The following ZNF112 variants were observed in gnomAD, a reference collection of about 807,000 sequenced individuals.
ZNF112 encodes the protein zinc finger protein 112 (Y14).
A neutral mutation model predicts 77.7 loss-of-function variants in ZNF112; 37 were observed. The ratio of observed to expected loss-of-function variants is 0.48; its 90% CI spans 0.37 to 0.63. The LOEUF (loss-of-function observed/expected upper bound fraction) is 0.63, where lower values mean the gene tolerates loss of function less well. ZNF112 is among the 20% of genes least tolerant of loss of function. The probability of loss-of-function intolerance (pLI) is 0.00; values close to 1 mark genes in which losing one functional copy is unlikely to be tolerated. For missense variants in ZNF112, 950 were observed against 1,077.4 expected, an observed-to-expected ratio of 0.88 and a Z score of 1.66; for synonymous variants, 333 against 363.6, an observed-to-expected ratio of 0.92 and a Z score of 0.96.
chr19:44,349,820 C>A (rs536573703), intron 1 of ZNF112, among the ~76,000 whole-genome samples: 1 of 152,040 alleles, frequency 6.6e-6, no homozygotes, highest in Non-Finnish European at 1.5e-5. Flanking sequence ...TTGGGCAAGA[C>A]CAACTGCTCT....
chr19:44,359,889 C>T (rs535014458), upstream of ZNF112, among the ~76,000 whole-genome samples: 2 of 152,210 alleles, frequency 1.3e-5, no homozygotes, highest in South Asian at 4.1e-4. Flanking sequence ...AAATAGGAAA[C>T]ACTTTCCAAC....
At chr19:44,343,388 T>G in intron 1 of ZNF112, 1 of 1,127,994 alleles carries the variant, frequency 8.9e-7, no homozygotes, top group East Asian at 2.4e-5. Flanking sequence ...AGGTGTCCCT[T>G]CCCCCAGCAG....
In ZNF112 at chr19:44,328,078, A is replaced by T. The variant is rs1160276882; in HGVS notation, c.2079T>A (p.Gly693=). The change falls in exon 4 of 4, where the codon GGT becomes GGA. Residue 693 remains glycine, a synonymous_variant. Transcript: ENST00000354340. ...GGTATGATCTCTGACTGAAACTCTT[A>T]CCACACTCATCACATTGGTATGGCT... is the stretch of plus-strand genomic sequence containing the variant. ...GEKPYQCDEC[G]KSFSQRSYLQ... is the part of the protein sequence containing the mutation. The T allele has an allele frequency of 3.1e-6, 5 of 1,613,412 alleles. No homozygotes were observed. The highest frequency in any genetic ancestry group is 4.2e-6 in the Non-Finnish European group (5 of 1,179,846).
intron 1 of ZNF112, among the ~76,000 whole-genome samples, chr19:44,341,558 T>A (rs979735173): frequency 2.6e-5 from 4 of 152,170 alleles, no homozygotes; most frequent in African/African-American, 7.2e-5. Flanking sequence ...GAAAGCTTTT[T>A]AAAAAAATCT....
Position 44,329,707 on chromosome 19 carries a change from G to C in ZNF112, c.450C>G (p.Asn150Lys). 5.6e-6 allele frequency: 9 copies of C among 1,614,052 alleles called. No homozygotes were observed. Among genetic ancestry groups the C allele is most frequent in the Non-Finnish European group, 7.6e-6 (9 of 1,180,006 alleles). ...CATTCCCTATATGAGTGAATATATAGTTCTTATCTTCAGAAATCTGAACTG... is the reference window on the plus strand; with the variant it reads ...CATTCCCTATATGAGTGAATATATACTTCTTATCTTCAGAAATCTGAACTG... ...GIPVQISEDK[N>K]YIFTHIGNGS... is the part of the protein sequence containing the mutation. The change falls in exon 4 of 4, where the codon AAC (asparagine) becomes AAG (lysine). Residue 150 changes from asparagine (N) to lysine (K), a missense_variant. By Grantham distance (94) the Asn-to-Lys change is moderately conservative. This residue lies in a region of ZNF112 where 560 missense variants were observed against 557.3 expected (regional missense o/e 1.00). Transcript: ENST00000354340.
At chr19:44,349,458 A>G (rs1198331485) in intron 1 of ZNF112, among the ~76,000 whole-genome samples, 1 of 152,088 alleles carries the variant, frequency 6.6e-6, no homozygotes, top group African/African-American at 2.4e-5. Context: ...AAAGCTTATC[A>G]TGCTTATTGT....
rs776368238 is a variant in ZNF112, at chr19:44,329,546, C to T, written c.611G>A (p.Cys204Tyr). 1.2e-6 allele frequency: 2 copies of T among 1,614,102 alleles called. No homozygotes were observed. The highest frequency in any genetic ancestry group is 1.1e-5 in the South Asian group (1 of 91,078). ...ATGTGAGAGCCAACTGACACTGTCA[C>T]ACTTACAGAAATGATTTTTCATGGA... is the stretch of plus-strand genomic sequence containing the variant. ...QISMKNHFCK[C>Y]DSVSWLSHHN... is the part of the protein sequence containing the mutation. Residue 204 changes from cysteine (C) to tyrosine (Y), a missense_variant, in exon 4 of 4, where the codon TGT becomes TAT. By Grantham distance (194) the Cys-to-Tyr change is radical. This residue lies in a region of ZNF112 where 560 missense variants were observed against 557.3 expected (regional missense o/e 1.00). Coordinates refer to ENST00000354340, the MANE Select transcript of ZNF112 (RefSeq NM_013380.4).
intron 1 of ZNF112, among the ~76,000 whole-genome samples, chr19:44,354,847 T>A (rs1414932570): frequency 2.0e-5 from 3 of 152,222 alleles, no homozygotes; most frequent in Admixed American, 6.5e-5. Flanking sequence ...TTCATCACCA[T>A]CCTTCTCCAA....
chr19:44,352,554 T>C (rs531525176), intron 1 of ZNF112, among the ~76,000 whole-genome samples: 1 of 151,734 alleles, frequency 6.6e-6, no homozygotes, highest in African/African-American at 2.4e-5. Context: ...AAGGAAGAAA[T>C]AAAACTGACC....
At chr19:44,341,434 T>A (rs1414203045) in intron 1 of ZNF112, among the ~76,000 whole-genome samples, 4 of 152,172 alleles carry the variant, frequency 2.6e-5, no homozygotes, top group Admixed American at 1.3e-4. Flanking sequence ...TGCTGAAGAA[T>A]AATGACCTTT....
chr19:44,351,005 C>A (rs1970681799), intron 1 of ZNF112, among the ~76,000 whole-genome samples: 1 of 152,016 alleles, frequency 6.6e-6, no homozygotes, highest in South Asian at 2.1e-4. Context: ...GATCAGAAGT[C>A]TAAAATCAGT....
chr19:44,365,816 T>C (rs1403725544), intron 1 of ZNF112, among the ~76,000 whole-genome samples: 1 of 152,216 alleles, frequency 6.6e-6, no homozygotes, highest in Non-Finnish European at 1.5e-5. Context: ...TTTTTAAAGA[T>C]TGTTTTTCTG....
At chr19:44,340,360 C>T (rs1970466816) in intron 2 of ZNF112, 56 bp downstream of exon 2, 11 of 1,573,910 alleles carry the variant, frequency 7.0e-6, no homozygotes, top group African/African-American at 4.1e-5. Context: ...AACAATTGAG[C>T]ACACAAAGAC....
intron 2 of ZNF112, among the ~76,000 whole-genome samples, chr19:44,338,886 A>G (rs1599922447): frequency 1.3e-5 from 2 of 152,116 alleles, no homozygotes; most frequent in Non-Finnish European, 2.9e-5. Flanking sequence ...AACATGGTGA[A>G]ACCTCATCTC....
At chr19:44,362,897 C>CAT (rs375936277) in intron 1 of ZNF112, among the ~76,000 whole-genome samples, 79 of 151,762 alleles carry the variant, frequency 5.2e-4, no homozygotes, top group Non-Finnish European at 8.7e-4. Context: ...ATTTCGGATG[C>CAT]ATATATATAT....
At chr19:44,348,241 C>T (rs894165636) in intron 1 of ZNF112, among the ~76,000 whole-genome samples, 4 of 152,070 alleles carry the variant, frequency 2.6e-5, no homozygotes, top group Non-Finnish European at 5.9e-5. Flanking sequence ...ATGTCTCTCA[C>T]CAAATTTGGG....
chr19:44,350,842 A>T (rs1289634342), intron 1 of ZNF112, among the ~76,000 whole-genome samples: 2 of 152,144 alleles, frequency 1.3e-5, no homozygotes, highest in African/African-American at 4.8e-5. Flanking sequence ...GAAAGTGATT[A>T]TTCTGAAATG....
intron 2 of ZNF112, among the ~76,000 whole-genome samples, chr19:44,339,193 C>T (rs1033729413): frequency 5.9e-5 from 9 of 152,116 alleles, no homozygotes; most frequent in Non-Finnish European, 1.0e-4. Context: ...ACAGACTGTG[C>T]AGTAAAGGAA....
At chr19:44,336,117 G>A (rs1477680598) in intron 3 of ZNF112, among the ~76,000 whole-genome samples, 1 of 152,158 alleles carries the variant, frequency 6.6e-6, no homozygotes, top group Non-Finnish European at 1.5e-5. Flanking sequence ...TAGCTGATTG[G>A]CTATTCTTAT....
Sources: gnomAD v4.1 joint callset for allele counts (sites outside exome capture counted in the v4.1 genomes callset) on GRCh38, gnomAD v4.1.1 for gene constraint, gnomAD v4.1.1 regional missense constraint, MANE v1.5 for transcripts, NCBI Gene and HGNC (gene_info 2026-07-23, HGNC 2026-07-21) for gene names.